The following ZBTB20 variants were observed in gnomAD, a reference collection of about 807,000 sequenced individuals.
The protein encoded by ZBTB20 is zinc finger and BTB domain containing 20, also known as zinc finger and BTB domain-containing protein 20.
ZBTB20 carries 9 observed loss-of-function variants against 56.9 expected under a neutral mutation model. The observed-to-expected ratio is 0.16, with a 90% CI of 0.10 to 0.28. The LOEUF is 0.28. ZBTB20 is among the 10% of genes least tolerant of loss of function. The pLI, the probability that ZBTB20 is intolerant of heterozygous loss-of-function variation, is 1.00. For synonymous variants in ZBTB20, 417 were observed against 420.7 expected, an observed-to-expected ratio of 0.99 and a Z score of 0.11; for missense variants, 655 against 1,003.0, an observed-to-expected ratio of 0.65 and a Z score of 4.69.
chr3:114,602,274 G>C (rs987639907), intron 6 of ZBTB20, among the ~76,000 whole-genome samples: 1 of 152,044 alleles, frequency 6.6e-6, no homozygotes, highest in African/African-American at 2.4e-5. Context: ...GATGTCTGTA[G>C]AAAGTTTGAC....
chr3:114,524,554 G>T (rs1343810279), intron 6 of ZBTB20, among the ~76,000 whole-genome samples: 1 of 152,044 alleles, frequency 6.6e-6, no homozygotes, highest in Non-Finnish European at 1.5e-5. Context: ...GGAACACTTA[G>T]CTTTTCTACT....
At chr3:114,579,762 A>G (rs574852899) in intron 6 of ZBTB20, among the ~76,000 whole-genome samples, 3 of 151,582 alleles carry the variant, frequency 2.0e-5, no homozygotes, top group Non-Finnish European at 4.4e-5. Flanking sequence ...ATTAAAAATC[A>G]TAAGAATATA....
intron 1 of ZBTB20, among the ~76,000 whole-genome samples, chr3:115,131,831 T>C (rs1164574444): frequency 2.0e-5 from 3 of 152,174 alleles, no homozygotes; most frequent in Non-Finnish European, 4.4e-5. Flanking sequence ...GCCAGTCCCA[T>C]TAATTTAAAA....
chr3:114,943,378 C>G (rs2076782744), intron 3 of ZBTB20, among the ~76,000 whole-genome samples: 1 of 145,080 alleles, frequency 6.9e-6, no homozygotes, highest in African/African-American at 2.8e-5. Context: ...GAAGTAGAAT[C>G]AAAGAACCAA....
intron 6 of ZBTB20, among the ~76,000 whole-genome samples, chr3:114,561,684 T>C (rs767924297): frequency 1.3e-5 from 2 of 152,118 alleles, no homozygotes; most frequent in South Asian, 2.1e-4. Flanking sequence ...ATTCCATTTA[T>C]AGAGCTCAGG....
chr3:114,887,670 C>T (rs1374114086), intron 4 of ZBTB20, among the ~76,000 whole-genome samples: 1 of 152,132 alleles, frequency 6.6e-6, no homozygotes, highest in East Asian at 1.9e-4. Context: ...GGGAATGTGG[C>T]CCTGCTGCAT....
chr3:114,805,208 T>A (rs2072013041), intron 4 of ZBTB20, among the ~76,000 whole-genome samples: 1 of 151,920 alleles, frequency 6.6e-6, no homozygotes, highest in Non-Finnish European at 1.5e-5. Flanking sequence ...ACAATACTAT[T>A]AACTAAACTA....
At chr3:114,774,316 A>T (rs898820741) in intron 5 of ZBTB20, among the ~76,000 whole-genome samples, 1 of 152,148 alleles carries the variant, frequency 6.6e-6, no homozygotes, top group Non-Finnish European at 1.5e-5. Flanking sequence ...TTCTGTTGAG[A>T]TAGAAAATAT....
intron 2 of ZBTB20, among the ~76,000 whole-genome samples, chr3:114,976,586 A>G (rs1002735025): frequency 1.1e-4 from 17 of 151,858 alleles, no homozygotes; most frequent in African/African-American, 4.1e-4. Flanking sequence ...AGATCGCGCC[A>G]CTGCCCTTCA....
chr3:114,860,343 G>T (rs1175487405), intron 4 of ZBTB20, among the ~76,000 whole-genome samples: 1 of 151,932 alleles, frequency 6.6e-6, no homozygotes, highest in Admixed American at 6.6e-5. Flanking sequence ...ACAAAATTAG[G>T]ATCTGAATAT....
intron 6 of ZBTB20, among the ~76,000 whole-genome samples, chr3:114,634,755 C>T (rs1312740735): frequency 6.6e-6 from 1 of 152,190 alleles, no homozygotes; most frequent in Non-Finnish European, 1.5e-5. Flanking sequence ...ACTGAGAGGA[C>T]TGCTTCAGCT....
intron 6 of ZBTB20, among the ~76,000 whole-genome samples, chr3:114,620,534 C>T (rs564720359): frequency 6.6e-6 from 1 of 152,196 alleles, no homozygotes; most frequent in South Asian, 2.1e-4. Flanking sequence ...TCAGGTGATC[C>T]GCCCGCCTCG....
intron 6 of ZBTB20, among the ~76,000 whole-genome samples, chr3:114,600,449 CA>C (rs1437848305): frequency 6.6e-6 from 1 of 151,938 alleles, no homozygotes; most frequent in Non-Finnish European, 1.5e-5. Context: ...TATCTGGTTA[CA>C]AAGTCTAGTG....
At chr3:115,073,529 A>G (rs955782347) in intron 1 of ZBTB20, among the ~76,000 whole-genome samples, 1 of 152,104 alleles carries the variant, frequency 6.6e-6, no homozygotes, top group African/African-American at 2.4e-5. Context: ...GCAACGTTAA[A>G]ATATATTTGA....
At chr3:114,385,042 C>G (rs959018040) in intron 8 of ZBTB20, among the ~76,000 whole-genome samples, 4 of 152,154 alleles carry the variant, frequency 2.6e-5, no homozygotes, top group African/African-American at 9.7e-5. Context: ...CCAATTTTCT[C>G]TCTTCACTGG....
intron 7 of ZBTB20, among the ~76,000 whole-genome samples, chr3:114,496,792 A>G (rs2043328388): frequency 6.6e-6 from 1 of 152,186 alleles, no homozygotes; most frequent in African/African-American, 2.4e-5. Context: ...GCAATGAGAA[A>G]ATGATAGGAA....
At chr3:114,439,229 A>G (rs537108565) in intron 7 of ZBTB20, among the ~76,000 whole-genome samples, 1 of 152,236 alleles carries the variant, frequency 6.6e-6, no homozygotes, top group South Asian at 2.1e-4. Context: ...AAAGAAGCTG[A>G]GTCCCCTGGA....
intron 4 of ZBTB20, among the ~76,000 whole-genome samples, chr3:114,813,678 G>A (rs1461635241): frequency 2.0e-5 from 3 of 152,208 alleles, no homozygotes; most frequent in Admixed American, 6.5e-5. Flanking sequence ...TTGAGCCTGG[G>A]AGGCGGAGGT....
intron 1 of ZBTB20, among the ~76,000 whole-genome samples, chr3:115,116,308 G>C (rs2084016849): frequency 6.6e-6 from 1 of 151,964 alleles, no homozygotes; most frequent in Admixed American, 6.6e-5. Flanking sequence ...TAACTTCTTA[G>C]ATTTTTTAAA....
Sources: gnomAD v4.1 joint callset for allele counts (sites outside exome capture counted in the v4.1 genomes callset) on GRCh38, gnomAD v4.1.1 for gene constraint, MANE v1.5 for transcripts, NCBI Gene and HGNC (gene_info 2026-07-23, HGNC 2026-07-21) for gene names.